ANXA8: variants seen among roughly 807,000 people sequenced by gnomAD.
ANXA8 encodes annexin A8, also known as VAC-beta.
Under a neutral mutation model 26.8 loss-of-function variants are expected in ANXA8, and 9 were observed. That is an observed-to-expected ratio of 0.34 (90% CI 0.20 to 0.59). ANXA8 has a LOEUF of 0.59. ANXA8 is among the 20% of genes least tolerant of loss of function. The probability of loss-of-function intolerance (pLI) is 0.84; values close to 1 mark genes in which losing one functional copy is unlikely to be tolerated. For missense variants in ANXA8, 83 were observed against 238.5 expected, an observed-to-expected ratio of 0.35 and a Z score of 4.29; for synonymous variants, 39 against 94.8, an observed-to-expected ratio of 0.41 and a Z score of 3.42.
At chr10:47,556,421 C>T in the ANXA8 span, among the ~76,000 whole-genome samples, 1 of 151,934 alleles carries the variant, frequency 6.6e-6, no homozygotes, top group African/African-American at 2.4e-5. Flanking sequence ...TTATATTCGC[C>T]ATTTTAACTA....
the ANXA8 span, among the ~76,000 whole-genome samples, chr10:47,775,400 G>C: frequency 1.3e-5 from 2 of 150,886 alleles, no homozygotes; most frequent in Non-Finnish European, 2.9e-5. Context: ...AAACAAAACA[G>C]TAATGGCTAG....
At chr10:47,470,330 C>T (rs1839296027) in intron 11 of ANXA8, among the ~76,000 whole-genome samples, 1 of 148,612 alleles carries the variant, frequency 6.7e-6, no homozygotes, top group Non-Finnish European at 1.5e-5. Flanking sequence ...CTTCATGTAT[C>T]TGTAGAAATC....
At chr10:47,939,326 AC>A in the ANXA8 span, among the ~76,000 whole-genome samples, 1 of 124,534 alleles carries the variant, frequency 8.0e-6, no homozygotes. Flanking sequence ...AAAAAAAAGC[AC>A]AAGTGGCATG....
chr10:47,702,891 C>T, the ANXA8 span, among the ~76,000 whole-genome samples: 1 of 149,968 alleles, frequency 6.7e-6, no homozygotes, highest in Non-Finnish European at 1.5e-5. Context: ...ATCTTGGCCT[C>T]CCAAAATGCT....
At chr10:47,686,038 A>C in the ANXA8 span, among the ~76,000 whole-genome samples, 2 of 150,302 alleles carry the variant, frequency 1.3e-5, no homozygotes, top group African/African-American at 4.9e-5. Flanking sequence ...TGACTCGGGG[A>C]CTTTATTATA....
At chr10:47,495,441 A>G in the ANXA8 span, among the ~76,000 whole-genome samples, 1 of 150,204 alleles carries the variant, frequency 6.7e-6, no homozygotes, top group African/African-American at 2.4e-5. Context: ...ACATGCCACC[A>G]TGCCTTGCTA....
chr10:47,551,919 T>G, the ANXA8 span: 12 of 1,135,796 alleles, frequency 1.1e-5, no homozygotes, highest in South Asian at 3.8e-4. Context: ...TTAGTCTCCA[T>G]AGTGGCTATT....
intron 7 of ANXA8, among the ~76,000 whole-genome samples, chr10:47,474,703 G>C (rs1419447365): frequency 2.3e-5 from 2 of 87,698 alleles, no homozygotes; most frequent in Non-Finnish European, 4.5e-5. Flanking sequence ...TAGCGCCCCC[G>C]GGTTCATGGG....
At chr10:47,469,807 TC>T (rs1839265045) in intron 11 of ANXA8, among the ~76,000 whole-genome samples, 1 of 151,572 alleles carries the variant, frequency 6.6e-6, no homozygotes, top group East Asian at 1.9e-4. Context: ...TGTCTACTTT[TC>T]ACCATTTAGT....
At chr10:47,660,430 T>C in the ANXA8 span, among the ~76,000 whole-genome samples, 1 of 151,630 alleles carries the variant, frequency 6.6e-6, no homozygotes, top group South Asian at 2.1e-4. Context: ...TGAGACAGTC[T>C]CGTCCTGATG....
chr10:47,696,511 G>A, the ANXA8 span: 2 of 1,236,828 alleles, frequency 1.6e-6, no homozygotes, highest in Non-Finnish European at 2.2e-6. Context: ...CCTGAAGAAT[G>A]TAAGGCACAT....
the ANXA8 span, among the ~76,000 whole-genome samples, chr10:47,743,257 TATATATAC>T: frequency 6.2e-5 from 8 of 128,718 alleles, no homozygotes; most frequent in African/African-American, 2.0e-4. Context: ...TATATATATA[TATATATAC>T]ATATATATAT....
At chr10:47,651,850 T>C in the ANXA8 span, among the ~76,000 whole-genome samples, 1 of 151,554 alleles carries the variant, frequency 6.6e-6, no homozygotes, top group Non-Finnish European at 1.5e-5. Flanking sequence ...GCCGAGATCA[T>C]GCCATTGCAC....
the ANXA8 span, among the ~76,000 whole-genome samples, chr10:47,915,020 C>T: frequency 2.4e-4 from 37 of 152,378 alleles, no homozygotes; most frequent in East Asian, 5.0e-3. Flanking sequence ...CTGGTTTCCC[C>T]GGATAGCTGA....
At chr10:47,768,397 A>G in the ANXA8 span, among the ~76,000 whole-genome samples, 1 of 151,456 alleles carries the variant, frequency 6.6e-6, no homozygotes, top group African/African-American at 2.4e-5. Flanking sequence ...TGTGTCGGTT[A>G]AGACATGAAG....
the ANXA8 span, among the ~76,000 whole-genome samples, chr10:47,733,231 CTCTCTTTCTTTCTTTCTTTCTT>C: frequency 4.0e-5 from 3 of 75,072 alleles, no homozygotes; most frequent in Non-Finnish European, 5.5e-5. Context: ...CTCTTTCTTT[CTCTCTTTCTTTCTTTCTTTCTT>C]TCTTTCTTTC....
At chr10:47,922,118 T>C in the ANXA8 span, 2 of 513,814 alleles carry the variant, frequency 3.9e-6, 1 homozygote, top group African/African-American at 9.1e-5. Flanking sequence ...ATGGTCTTCA[T>C]TGTCACTTCC....
At chr10:47,696,204 C>G in the ANXA8 span, among the ~76,000 whole-genome samples, 3 of 151,812 alleles carry the variant, frequency 2.0e-5, no homozygotes, top group Non-Finnish European at 4.4e-5. Context: ...TATAAAGAAG[C>G]AATTTTGTTA....
chr10:47,561,044 C>G, the ANXA8 span, among the ~76,000 whole-genome samples: 9 of 151,204 alleles, frequency 6.0e-5, no homozygotes, highest in African/African-American at 2.0e-4. Flanking sequence ...TTTCTGTGGG[C>G]CTCATCTGAC....
Sources: gnomAD v4.1 joint callset for allele counts (sites outside exome capture counted in the v4.1 genomes callset) on GRCh38, gnomAD v4.1.1 for gene constraint, MANE v1.5 for transcripts, NCBI Gene and HGNC (gene_info 2026-07-23, HGNC 2026-07-21) for gene names.